AKAIN1: variants seen among roughly 807,000 people sequenced by gnomAD.
The protein encoded by AKAIN1 is A-kinase anchor protein inhibitor 1.
AKAIN1 carries 3 observed loss-of-function variants against 3.7 expected under a neutral mutation model. The ratio of observed to expected loss-of-function variants is 0.82; its 90% CI spans 0.37 to 2.12. The LOEUF is 2.12. AKAIN1 is among the 30% of genes most tolerant of loss of function. AKAIN1 has a pLI of 0.06. For missense variants in AKAIN1, 82 were observed against 82.7 expected (o/e 0.99, Z 0.03); for synonymous variants, 31 against 30.8 (o/e 1.01, Z -0.02).
intron 1 of AKAIN1, among the ~76,000 whole-genome samples, chr18:5,164,609 TA>T (rs1276385290): frequency 6.6e-6 from 1 of 152,020 alleles, no homozygotes; most frequent in Non-Finnish European, 1.5e-5. Context: ...GGACGACAGA[TA>T]ACACCTCTGT....
chr18:5,170,985 C>T (rs1024428085), intron 1 of AKAIN1: 1 of 152,150 alleles, frequency 6.6e-6, no homozygotes, highest in African/African-American at 2.4e-5. Flanking sequence ...GACTCCAGAC[C>T]CCAGCATTCA....
chr18:5,162,894 C>T (rs1235932405), intron 1 of AKAIN1, among the ~76,000 whole-genome samples: 1 of 151,656 alleles, frequency 6.6e-6, no homozygotes, highest in African/African-American at 2.4e-5. Context: ...CATGGAGCTT[C>T]TTGTTGGTTT....
At chr18:5,189,056 G>T (rs1322387272) in intron 1 of AKAIN1, among the ~76,000 whole-genome samples, 2 of 152,190 alleles carry the variant, frequency 1.3e-5, no homozygotes, top group East Asian at 3.9e-4. Flanking sequence ...TAGAGCAGCA[G>T]GTAGAGCTAC....
intron 1 of AKAIN1, among the ~76,000 whole-genome samples, chr18:5,180,503 A>G (rs184850961): frequency 3.9e-4 from 60 of 152,232 alleles, no homozygotes; most frequent in Non-Finnish European, 6.2e-4. Flanking sequence ...TCCTATAGGC[A>G]CAACAAAGAA....
intron 1 of AKAIN1, among the ~76,000 whole-genome samples, chr18:5,189,267 T>C (rs111764442): frequency 0.018 from 2,782 of 152,288 alleles, 82 homozygotes; most frequent in African/African-American, 0.063. Flanking sequence ...GCCTTTGTAA[T>C]CTTTCTCCCA....
chr18:5,195,482 G>A (rs1385178885), intron 1 of AKAIN1, among the ~76,000 whole-genome samples: 1 of 152,122 alleles, frequency 6.6e-6, no homozygotes, highest in Admixed American at 6.5e-5. Flanking sequence ...TGAGTCTCTG[G>A]CTACATCTGA....
chr18:5,180,673 C>G (rs1290946376), intron 1 of AKAIN1, among the ~76,000 whole-genome samples: 2 of 152,116 alleles, frequency 1.3e-5, no homozygotes, highest in Non-Finnish European at 2.9e-5. Flanking sequence ...CTGTAGGGAA[C>G]TTCATTCTAA....
chr18:5,168,532 C>T (rs1338850695), intron 1 of AKAIN1, among the ~76,000 whole-genome samples: 1 of 152,108 alleles, frequency 6.6e-6, no homozygotes, highest in Non-Finnish European at 1.5e-5. Flanking sequence ...CTCAGTACCA[C>T]ACTGTCTTTA....
chr18:5,175,645 T>C (rs1032591509), intron 1 of AKAIN1, among the ~76,000 whole-genome samples: 1 of 152,198 alleles, frequency 6.6e-6, no homozygotes, highest in Non-Finnish European at 1.5e-5. Context: ...AGTAAGTTTA[T>C]GCAGCGTTTC....
At chr18:5,165,440 A>G (rs1008650958) in intron 1 of AKAIN1, among the ~76,000 whole-genome samples, 7 of 151,992 alleles carry the variant, frequency 4.6e-5, no homozygotes, top group African/African-American at 1.4e-4. Flanking sequence ...CCTTGTAATT[A>G]TAATATGAAA....
chr18:5,154,344 C>T (rs377428814), intron 1 of AKAIN1, among the ~76,000 whole-genome samples: 12 of 152,034 alleles, frequency 7.9e-5, no homozygotes, highest in African/African-American at 2.7e-4. Context: ...TTTCTGAGCA[C>T]GTAGATAACA....
intron 1 of AKAIN1, among the ~76,000 whole-genome samples, chr18:5,154,032 G>A (rs1026941064): frequency 2.0e-5 from 3 of 152,112 alleles, no homozygotes; most frequent in African/African-American, 7.2e-5. Context: ...GGGAGATCGA[G>A]ACCAGCCTAA....
At chr18:5,157,720 C>A (rs1208467936) in intron 1 of AKAIN1, among the ~76,000 whole-genome samples, 1 of 151,912 alleles carries the variant, frequency 6.6e-6, no homozygotes, top group Admixed American at 6.5e-5. Context: ...AAATTTTTTT[C>A]AAAGATGGTG....
chr18:5,177,295 C>T (rs1466224981), intron 1 of AKAIN1, among the ~76,000 whole-genome samples: 1 of 152,008 alleles, frequency 6.6e-6, no homozygotes, highest in African/African-American at 2.4e-5. Flanking sequence ...TATTACTATT[C>T]TATAATTAGG....
intron 1 of AKAIN1, among the ~76,000 whole-genome samples, chr18:5,169,917 T>G (rs1434034822): frequency 6.6e-6 from 1 of 152,174 alleles, no homozygotes; most frequent in Non-Finnish European, 1.5e-5. Context: ...CAGTTACTCT[T>G]CACCTGCAGC....
At chr18:5,178,388 G>T (rs969722) in intron 1 of AKAIN1, among the ~76,000 whole-genome samples, 19,592 of 151,884 alleles carry the variant, frequency 0.13, 1,575 homozygotes, top group Middle Eastern at 0.26. Context: ...AAAGGAAGAG[G>T]GACAAGATCA....
chr18:5,197,387 G>A, upstream of AKAIN1: 1 of 1,264,558 alleles, frequency 7.9e-7, no homozygotes, highest in Non-Finnish European at 1.0e-6. The surrounding 1 kb of genome is among the most constrained non-coding windows in gnomAD (Gnocchi z 6.9). Flanking sequence ...CGCGACGAAG[G>A]TCGGAAGAGC....
chr18:5,148,011 C>G (rs2071059057), intron 1 of AKAIN1, among the ~76,000 whole-genome samples: 2 of 152,206 alleles, frequency 1.3e-5, no homozygotes, highest in African/African-American at 2.4e-5. Flanking sequence ...CAGTAAGCCT[C>G]TTTGCATATC....
chr18:5,164,915 G>T (rs2071159348), intron 1 of AKAIN1, among the ~76,000 whole-genome samples: 1 of 151,962 alleles, frequency 6.6e-6, no homozygotes. Context: ...AGAGTTGGGA[G>T]TACAAGCCAC....
Sources: allele counts gnomAD v4.1 joint callset (sites outside exome capture counted in the v4.1 genomes callset), GRCh38; gene constraint gnomAD v4.1.1; non-coding constraint Gnocchi (gnomAD v3.1); transcripts MANE v1.5; gene names NCBI Gene and HGNC (gene_info 2026-07-23, HGNC 2026-07-21).